The following RANBP2 variants were observed in gnomAD, a reference collection of about 807,000 sequenced individuals.
RANBP2 encodes E3 SUMO-protein ligase RanBP2.
In RANBP2, 57 loss-of-function variants were observed where a neutral mutation model predicts 303.6. The observed-to-expected ratio is 0.19, with a 90% CI of 0.15 to 0.23. The LOEUF (loss-of-function observed/expected upper bound fraction) is 0.23, where lower values mean the gene tolerates loss of function less well. Among genes scored for constraint, RANBP2 ranks in the 10% least tolerant of loss-of-function variants. The probability of loss-of-function intolerance (pLI) is 1.00; values close to 1 mark genes in which losing one functional copy is unlikely to be tolerated. For missense variants in RANBP2, 3,138 were observed against 3,780.8 expected, an observed-to-expected ratio of 0.83 and a Z score of 4.46; for synonymous variants, 1,167 against 1,301.5, an observed-to-expected ratio of 0.90 and a Z score of 2.23.
At chr2:109,564,427 T>G in the RANBP2 span, 2 of 1,598,632 alleles carry the variant, frequency 1.3e-6, no homozygotes, top group Admixed American at 3.4e-5. Context: ...TTGCAGCGCC[T>G]GTAAAGCTCA....
chr2:109,344,042 C>A, the RANBP2 span, among the ~76,000 whole-genome samples: 1 of 152,188 alleles, frequency 6.6e-6, no homozygotes, highest in Non-Finnish European at 1.5e-5. Context: ...CCATACCCGT[C>A]CCCAGATCCT....
the RANBP2 span, among the ~76,000 whole-genome samples, chr2:109,379,028 T>G: frequency 1.3e-5 from 2 of 152,186 alleles, no homozygotes; most frequent in Non-Finnish European, 2.9e-5. Flanking sequence ...CTCTGTCTTC[T>G]CAATGCAGGG....
At chr2:109,275,150 G>T in the RANBP2 span, among the ~76,000 whole-genome samples, 1 of 152,144 alleles carries the variant, frequency 6.6e-6, no homozygotes, top group Non-Finnish European at 1.5e-5. Flanking sequence ...AGAGCCTGAG[G>T]TTGACCTTTC....
the RANBP2 span, among the ~76,000 whole-genome samples, chr2:109,008,590 TAAAAAAA>T: frequency 2.1e-5 from 3 of 145,388 alleles, no homozygotes; most frequent in Admixed American, 6.9e-5. Flanking sequence ...AAGAAAAGGG[TAAAAAAA>T]AAAAAAAAAA....
At chr2:108,834,990 A>T in the RANBP2 span, among the ~76,000 whole-genome samples, 2 of 152,254 alleles carry the variant, frequency 1.3e-5, no homozygotes, top group Admixed American at 1.3e-4. Context: ...AATTGAAGTC[A>T]AATGGATCTT....
chr2:109,735,993 G>A, the RANBP2 span, among the ~76,000 whole-genome samples: 7 of 152,188 alleles, frequency 4.6e-5, 1 homozygote, highest in Non-Finnish European at 8.8e-5. Flanking sequence ...GCCAAGGTAG[G>A]ATTAAACATT....
chr2:108,936,606 G>A, the RANBP2 span, among the ~76,000 whole-genome samples: 753 of 152,100 alleles, frequency 5.0e-3, 2 homozygotes, highest in Non-Finnish European at 8.6e-3. Context: ...GTACTCCCCC[G>A]CCTCCCTGAA....
chr2:109,521,739 A>G, the RANBP2 span, among the ~76,000 whole-genome samples: 11 of 152,230 alleles, frequency 7.2e-5, no homozygotes, highest in African/African-American at 2.7e-4. Flanking sequence ...TATCCAAGAA[A>G]GCAGGGTGGA....
the RANBP2 span, among the ~76,000 whole-genome samples, chr2:108,889,199 C>T: frequency 1.1e-4 from 16 of 152,164 alleles, no homozygotes; most frequent in Admixed American, 1.0e-3. Flanking sequence ...TTTGTTGAGA[C>T]TTGTTTTGTG....
At chr2:109,245,314 GGTC>G in the RANBP2 span, among the ~76,000 whole-genome samples, 1 of 151,946 alleles carries the variant, frequency 6.6e-6, no homozygotes, top group African/African-American at 2.4e-5. Flanking sequence ...CCATGCCTGT[GGTC>G]ATTCCCTCTG....
At chr2:109,288,305 T>G in the RANBP2 span, among the ~76,000 whole-genome samples, 1 of 152,224 alleles carries the variant, frequency 6.6e-6, no homozygotes, top group Non-Finnish European at 1.5e-5. Context: ...TTCAGAGTTA[T>G]TGCAGGCATG....
the RANBP2 span, among the ~76,000 whole-genome samples, chr2:109,671,655 T>G: frequency 6.6e-6 from 1 of 151,950 alleles, no homozygotes; most frequent in Non-Finnish European, 1.5e-5. Context: ...ATTTAGGGGG[T>G]GTATCTTTTT....
the RANBP2 span, among the ~76,000 whole-genome samples, chr2:109,443,379 G>A: frequency 3.9e-5 from 6 of 152,228 alleles, no homozygotes; most frequent in Non-Finnish European, 4.4e-5. Context: ...TCTGTGTGAC[G>A]CTGAAACAAA....
At chr2:108,880,655 T>C in the RANBP2 span, among the ~76,000 whole-genome samples, 1 of 152,162 alleles carries the variant, frequency 6.6e-6, no homozygotes, top group Admixed American at 6.5e-5. Flanking sequence ...GCCTGTACTC[T>C]ATAAATGGAA....
the RANBP2 span, chr2:108,794,779 A>G: frequency 7.8e-7 from 1 of 1,287,252 alleles, no homozygotes; most frequent in South Asian, 1.4e-5. Flanking sequence ...AGAACCAAGC[A>G]TTTACGAAAT....
At chr2:109,448,981 G>A in the RANBP2 span, among the ~76,000 whole-genome samples, 2 of 152,188 alleles carry the variant, frequency 1.3e-5, no homozygotes, top group African/African-American at 2.4e-5. Flanking sequence ...TTGGAAGATA[G>A]GAATGCATTT....
chr2:109,223,270 G>A, the RANBP2 span, among the ~76,000 whole-genome samples: 1 of 152,296 alleles, frequency 6.6e-6, no homozygotes, highest in Non-Finnish European at 1.5e-5. Context: ...CAGATCCAGA[G>A]CCCTCAGAGG....
the RANBP2 span, among the ~76,000 whole-genome samples, chr2:109,566,866 TA>T: frequency 2.6e-5 from 4 of 152,172 alleles, no homozygotes; most frequent in African/African-American, 9.6e-5. Context: ...ATGTAAAAAT[TA>T]TTAATTACTA....
At chr2:108,850,448 G>A in the RANBP2 span, among the ~76,000 whole-genome samples, 16 of 151,680 alleles carry the variant, frequency 1.1e-4, no homozygotes, top group Non-Finnish European at 2.1e-4. Flanking sequence ...AGTTTTTTTT[G>A]TTTTGTTTTG....
Sources: gnomAD v4.1 joint callset for allele counts (sites outside exome capture counted in the v4.1 genomes callset) on GRCh38, gnomAD v4.1.1 for gene constraint, MANE v1.5 for transcripts, NCBI Gene and HGNC (gene_info 2026-07-23, HGNC 2026-07-21) for gene names.